Variants in AMBP observed in about 807,000 individuals in gnomAD.
AMBP encodes protein AMBP.
A neutral mutation model predicts 46.3 loss-of-function variants in AMBP; 37 were observed. The observed-to-expected ratio is 0.80, with a 90% CI of 0.61 to 1.05. AMBP has a LOEUF of 1.05. AMBP is among the 50% of genes least tolerant of loss of function. The pLI, the probability that AMBP is intolerant of heterozygous loss-of-function variation, is 0.00. For synonymous variants in AMBP, 174 were observed against 175.9 expected (o/e 0.99, Z 0.09); for missense variants, 475 against 461.2 (o/e 1.03, Z -0.27).
At chr9:114,070,888 T>G (rs1003476972) in intron 5 of AMBP, among the ~76,000 whole-genome samples, 2 of 152,070 alleles carry the variant, frequency 1.3e-5, no homozygotes, top group Admixed American at 6.5e-5. Context: ...GGGCCTGCAA[T>G]CCATTCCTGG....
At chr9:114,074,176 C>T (rs1229356092) in intron 3 of AMBP, 24 bp from the exon 4 acceptor site, 25 of 1,588,470 alleles carry the variant, frequency 1.6e-5, no homozygotes, top group Non-Finnish European at 2.1e-5. Context: ...GCAGGCAGAC[C>T]AAAGGGATCA....
Position 114,061,090 on chromosome 9 carries a change from T to G in AMBP, c.862A>C (p.Asn288His). Residue 288 changes from asparagine (N) to histidine (H), a missense_variant, in exon 9 of 10, where the codon AAT (asparagine) becomes CAT (histidine). Physicochemically the swap from Asn to His is moderately conservative, Grantham distance 68 (BLOSUM62 1). This residue lies in a region of AMBP where 293 missense variants were observed against 276.9 expected (regional missense o/e 1.06). Transcript: ENST00000265132. Reference sequence around the variant, plus strand: ...CAGGGGCCCCGGACTATGGGGAGATTGCAGGCCGCTGTGGAGTGGAGAGAG... The same window carrying G: ...CAGGGGCCCCGGACTATGGGGAGATGGCAGGCCGCTGTGGAGTGGAGAGAG... The part of the protein sequence containing the change: ...LQTCRTVAAC[N>H]LPIVRGPCRA... 2.5e-6 allele frequency: 4 copies of G among 1,613,984 alleles called. No individual in the cohort carries two copies. Among genetic ancestry groups the G allele is most frequent in the South Asian group, 2.2e-5 (2 of 91,036 alleles).
intron 6 of AMBP, among the ~76,000 whole-genome samples, chr9:114,067,804 C>T (rs1846708716): frequency 6.6e-6 from 1 of 152,004 alleles, no homozygotes; most frequent in African/African-American, 2.4e-5. Flanking sequence ...AAAATGGCAT[C>T]AAATATGAAG....
chr9:114,076,608 T>C lies in AMBP; in HGVS notation c.250A>G (p.Thr84Ala). ...CACCCTAGTGCTCACCGCCAACGAG[T>C]GCTGGTCATGCTGATCTCCGCCTCT... ...ATEAEISMTS[T>A]RWRKGVCEET... The change falls in exon 2 of 10, where the codon ACT (threonine) becomes GCT (alanine). Residue 84 changes from threonine (T) to alanine (A), a missense_variant. This residue lies in a region of AMBP where 179 missense variants were observed against 167.4 expected (regional missense o/e 1.07). Coordinates refer to ENST00000265132, the MANE Select transcript of AMBP (RefSeq NM_001633.4). The C allele has an allele frequency of 1.2e-6, 2 of 1,613,774 alleles. No individual in the cohort carries two copies. Among genetic ancestry groups the C allele is most frequent in the Non-Finnish European group, 1.7e-6 (2 of 1,179,938 alleles).
chr9:114,061,303 C>G, intron 8 of AMBP, 121 bp downstream of exon 8: 3 of 1,502,422 alleles, frequency 2.0e-6, no homozygotes, highest in Non-Finnish European at 2.7e-6. Flanking sequence ...TTTCAGGAAA[C>G]CGCCTGGAGT....
intron 9 of AMBP, 78 bp from the exon 10 acceptor site, chr9:114,060,348 C>T (rs1846621397): frequency 2.1e-6 from 3 of 1,450,322 alleles, no homozygotes; most frequent in African/African-American, 2.8e-5. Flanking sequence ...TCGCCTGGGG[C>T]CAGAAACCTC....
intron 9 of AMBP, 28 bp from the exon 10 acceptor site, chr9:114,060,298 G>A: frequency 6.2e-7 from 1 of 1,611,762 alleles, no homozygotes; most frequent in East Asian, 2.2e-5. Context: ...CTCAGGGAGG[G>A]GTCCGTAGGC....
chr9:114,062,478 G>A (rs1056877484), intron 7 of AMBP, among the ~76,000 whole-genome samples, 199 bp downstream of exon 7: 2 of 152,204 alleles, frequency 1.3e-5, no homozygotes, highest in African/African-American at 2.4e-5. Context: ...TCAAGCCCAG[G>A]ACGATGCCTC....
At chr9:114,072,871 G>A (rs775159648) in intron 5 of AMBP, 54 bp downstream of exon 5, 33 of 1,545,148 alleles carry the variant, frequency 2.1e-5, no homozygotes, top group East Asian at 4.5e-5. Context: ...GGTCTCTGGC[G>A]CCCACAAGGG....
chr9:114,070,686 G>C (rs768726787), intron 5 of AMBP, among the ~76,000 whole-genome samples: 2 of 151,962 alleles, frequency 1.3e-5, no homozygotes, highest in Non-Finnish European at 2.9e-5. Context: ...GGGACCCTGG[G>C]GTGGGAAATG....
In AMBP at chr9:114,074,167, C is replaced by G. The variant is rs777229953; in HGVS notation, c.338-15G>C. 14 of 1,607,790 alleles carry G rather than the reference C, an allele frequency of 8.7e-6. No homozygotes were observed. In the African/African-American group the frequency reaches 1.9e-4, roughly 22 times the overall value. On this transcript the variant is annotated splice_polypyrimidine_tract_variant and intron_variant, in intron 3 of 9. Coordinates refer to ENST00000265132, the MANE Select transcript of AMBP (RefSeq NM_001633.4). ...TATGTTCCATTCTGCATGGGAGGTG[C>G]AGGCAGACCAAAGGGATCAGTGGTC...
At chr9:114,078,058 C>T (rs2285056) in intron 1 of AMBP, 35 bp downstream of exon 1, 187,916 of 1,609,880 alleles carry the variant, frequency 0.12, 12,483 homozygotes, top group Middle Eastern at 0.28. Context: ...TCCCCATCAC[C>T]ACATCCACCC....
chr9:114,075,430 G>A (rs996098000), intron 2 of AMBP, among the ~76,000 whole-genome samples: 15 of 152,212 alleles, frequency 9.9e-5, no homozygotes, highest in Non-Finnish European at 2.1e-4. Context: ...TTTATAAAAT[G>A]GGGATCATGA....
Position 114,069,713 on chromosome 9 carries a change from G to C in AMBP, c.589C>G (p.Pro197Ala), listed in dbSNP as rs144869158. The C allele has an allele frequency of 6.2e-7, 1 of 1,613,836 alleles. No individual in the cohort carries two copies. Among genetic ancestry groups the C allele is most frequent in the Non-Finnish European group, 8.5e-7 (1 of 1,179,988 alleles). Residue 197 changes from proline to alanine, a missense_variant, in exon 6 of 10, where the codon CCC (proline) becomes GCC (alanine). Pro to Ala is a conservative substitution (Grantham distance 27). This residue lies in a region of AMBP where 293 missense variants were observed against 276.9 expected (regional missense o/e 1.06). Transcript: ENST00000265132. ...GAGGCACTCACCGGGATTAAGATGG[G>C]CTCTGGTTCCTGCTCCCCAGGGACA... ...ECVPGEQEPE[P>A]ILIPRVRRAV...
At chr9:114,070,361 C>A (rs1253573668) in intron 5 of AMBP, among the ~76,000 whole-genome samples, 1 of 152,122 alleles carries the variant, frequency 6.6e-6, no homozygotes, top group Non-Finnish European at 1.5e-5. Flanking sequence ...CCTTATGCAG[C>A]CAGGTAGACC....
chr9:114,069,616 C>A (rs569151263), intron 6 of AMBP, 83 bp downstream of exon 6: 63 of 1,366,138 alleles, frequency 4.6e-5, no homozygotes, highest in Admixed American at 2.0e-4. Flanking sequence ...TGCCTCCCCC[C>A]GCAGCAGGAT....
intron 8 of AMBP, 35 bp downstream of exon 8, chr9:114,061,389 G>A: frequency 2.5e-6 from 4 of 1,613,372 alleles, no homozygotes; most frequent in Non-Finnish European, 3.4e-6. Flanking sequence ...GGTCTTGAGG[G>A]TGCAGAGCGC....
intron 6 of AMBP, among the ~76,000 whole-genome samples, chr9:114,064,332 T>C (rs898318805): frequency 2.0e-5 from 3 of 152,154 alleles, no homozygotes; most frequent in Non-Finnish European, 4.4e-5. Context: ...CAATAAAATA[T>C]AGAGTTTTAC....
At chr9:114,071,345 G>T (rs936289456) in intron 5 of AMBP, among the ~76,000 whole-genome samples, 29 of 152,362 alleles carry the variant, frequency 1.9e-4, no homozygotes, top group South Asian at 4.1e-4. Flanking sequence ...GCCTGGACAG[G>T]TATGCACATG....
Sources: allele counts gnomAD v4.1 joint callset (sites outside exome capture counted in the v4.1 genomes callset), GRCh38; gene constraint gnomAD v4.1.1; regional missense constraint gnomAD v4.1.1; transcripts MANE v1.5; gene names NCBI Gene and HGNC (gene_info 2026-07-23, HGNC 2026-07-21).